The following CIROZ variants were observed in gnomAD, a reference collection of about 807,000 sequenced individuals.
CIROZ encodes the protein ciliated left-right organizer protein containing ZP-N domains, also known as ciliated left-right organizer ZP-N domains-containing protein.
chr1:10,956,048 T>A, the CIROZ span, among the ~76,000 whole-genome samples: 1 of 152,042 alleles, frequency 6.6e-6, no homozygotes, highest in Non-Finnish European at 1.5e-5. Context: ...TCATTGCCAA[T>A]GCCTGAAAAT....
the CIROZ span, among the ~76,000 whole-genome samples, chr1:10,973,602 G>A: frequency 1.3e-5 from 2 of 152,164 alleles, no homozygotes; most frequent in Admixed American, 6.5e-5. Context: ...GGCAGTGGCT[G>A]CTGCCATCAC....
chr1:10,947,619 C>T, the CIROZ span: 2 of 1,392,714 alleles, frequency 1.4e-6, no homozygotes, highest in Non-Finnish European at 1.9e-6. Flanking sequence ...CACTCTACCT[C>T]CCCAGGGTGC....
chr1:10,971,990 G>A, the CIROZ span, among the ~76,000 whole-genome samples: 8 of 152,318 alleles, frequency 5.3e-5, no homozygotes, highest in East Asian at 3.9e-4. Flanking sequence ...AGGAAAAGGC[G>A]TGAGTTATGT....
chr1:10,965,167 G>T, the CIROZ span, among the ~76,000 whole-genome samples: 1 of 151,996 alleles, frequency 6.6e-6, no homozygotes, highest in African/African-American at 2.4e-5. Context: ...AAGCTTTGCG[G>T]TGGGGCCTGA....
chr1:10,955,799 G>A, the CIROZ span, among the ~76,000 whole-genome samples: 14 of 144,022 alleles, frequency 9.7e-5, no homozygotes, highest in African/African-American at 2.3e-4. Context: ...AGCCGAGATC[G>A]CACCACTGCA....
the CIROZ span, among the ~76,000 whole-genome samples, chr1:10,950,128 G>A: frequency 6.8e-6 from 1 of 147,624 alleles, no homozygotes; most frequent in Admixed American, 6.7e-5. Context: ...CCGCCTCCTG[G>A]GTTCAAGTGA....
chr1:10,963,102 A>C, the CIROZ span, among the ~76,000 whole-genome samples: 1 of 151,572 alleles, frequency 6.6e-6, no homozygotes, highest in South Asian at 2.1e-4. Context: ...CTCTTTAAAA[A>C]AACAGGCCGG....
the CIROZ span, chr1:10,954,854 A>T: frequency 3.1e-6 from 3 of 961,086 alleles, no homozygotes; most frequent in South Asian, 2.1e-5. Flanking sequence ...CGGCTTCCCA[A>T]AGTGCTGGGA....
chr1:10,949,825 G>T, the CIROZ span: 1 of 1,535,436 alleles, frequency 6.5e-7, no homozygotes, highest in Non-Finnish European at 8.8e-7. Flanking sequence ...CTTCCAGAGA[G>T]AAGACAGAGG....
the CIROZ span, among the ~76,000 whole-genome samples, chr1:10,978,942 A>G: frequency 6.6e-6 from 1 of 152,106 alleles, no homozygotes; most frequent in Admixed American, 6.6e-5. Context: ...ACCATAAAAA[A>G]TTGTGGGAAG....
the CIROZ span, among the ~76,000 whole-genome samples, chr1:10,951,481 G>C: frequency 6.6e-5 from 10 of 151,576 alleles, no homozygotes; most frequent in African/African-American, 9.7e-5. Flanking sequence ...GAGAGGTGGA[G>C]GTTGCAGTGA....
chr1:10,948,625 G>A, the CIROZ span: 1 of 1,614,076 alleles, frequency 6.2e-7, no homozygotes, highest in East Asian at 2.2e-5. Flanking sequence ...AGAGCCGGGT[G>A]CGTTGGCAAG....
chr1:10,949,117 G>A, the CIROZ span: 24 of 308,548 alleles, frequency 7.8e-5, no homozygotes, highest in Admixed American at 6.8e-4. Flanking sequence ...CCAGCTACTC[G>A]GGAAGCTGAG....
chr1:10,970,075 A>G, the CIROZ span: 1 of 1,532,942 alleles, frequency 6.5e-7, no homozygotes. Context: ...GTGTCTGTCC[A>G]ACAAGAAGAT....
chr1:10,975,880 G>A, the CIROZ span, among the ~76,000 whole-genome samples: 33 of 125,528 alleles, frequency 2.6e-4, no homozygotes, highest in African/African-American at 1.5e-3. Flanking sequence ...CACGACACAC[G>A]CTCCCTGTGC....
chr1:10,956,712 C>A, the CIROZ span, among the ~76,000 whole-genome samples: 1 of 151,952 alleles, frequency 6.6e-6, no homozygotes, highest in Non-Finnish European at 1.5e-5. Context: ...CTCCTGACCT[C>A]GTAATCCACC....
At chr1:10,953,959 G>T in the CIROZ span, 1 of 1,547,850 alleles carries the variant, frequency 6.5e-7, no homozygotes, top group East Asian at 2.3e-5. Context: ...GCCAAGGAAA[G>T]AGGGTTTGTG....
the CIROZ span, among the ~76,000 whole-genome samples, chr1:10,970,320 G>C: frequency 2.6e-5 from 4 of 151,754 alleles, no homozygotes; most frequent in African/African-American, 9.7e-5. Context: ...GAACTTGTTG[G>C]GGAGGTCCTC....
chr1:10,965,762 G>A, the CIROZ span, among the ~76,000 whole-genome samples: 1 of 151,380 alleles, frequency 6.6e-6, no homozygotes, highest in Non-Finnish European at 1.5e-5. Flanking sequence ...GGCGGAAGTT[G>A]CAGTGAGCCG....
Sources: allele counts gnomAD v4.1 joint callset (sites outside exome capture counted in the v4.1 genomes callset), GRCh38; gene constraint gnomAD v4.1.1; transcripts MANE v1.5; gene names NCBI Gene and HGNC (gene_info 2026-07-23, HGNC 2026-07-21).